GPR39: variants seen among roughly 807,000 people sequenced by gnomAD.
GPR39 encodes the protein G protein-coupled receptor 39, also known as zinc sensing receptor.
A neutral mutation model predicts 18.4 loss-of-function variants in GPR39; 23 were observed. That is an observed-to-expected ratio of 1.25 (90% CI 0.90 to 1.77). The LOEUF is 1.77. GPR39 is among the 40% of genes most tolerant of loss of function. GPR39 has a pLI of 0.00. For missense variants in GPR39, 647 were observed against 602.4 expected (o/e 1.07, Z -0.78); for synonymous variants, 280 against 257.9 (o/e 1.09, Z -0.82).
chr2:132,573,522 A>T (rs1174147075), intron 1 of GPR39, among the ~76,000 whole-genome samples: 1 of 152,194 alleles, frequency 6.6e-6, no homozygotes, highest in Non-Finnish European at 1.5e-5. Flanking sequence ...AGTTAGAGTG[A>T]CAAAAAGGTA....
intron 1 of GPR39, among the ~76,000 whole-genome samples, chr2:132,514,592 G>A (rs1267890430): frequency 2.0e-5 from 3 of 152,182 alleles, no homozygotes; most frequent in Non-Finnish European, 4.4e-5. Flanking sequence ...TGGAACAGTA[G>A]TCAGGCTTTG....
intron 1 of GPR39, among the ~76,000 whole-genome samples, chr2:132,601,203 A>G (rs532222396): frequency 3.3e-5 from 5 of 152,302 alleles, no homozygotes; most frequent in Admixed American, 3.3e-4. Flanking sequence ...CATAGAAGCA[A>G]AAATCCTCAA....
chr2:132,567,392 C>G (rs1396439875), intron 1 of GPR39, among the ~76,000 whole-genome samples: 1 of 152,150 alleles, frequency 6.6e-6, no homozygotes, highest in Non-Finnish European at 1.5e-5. Context: ...TTAATCCACT[C>G]ATGGATGAAT....
intron 1 of GPR39, among the ~76,000 whole-genome samples, chr2:132,557,153 T>C (rs113111524): frequency 0.16 from 23,593 of 152,070 alleles, 1,908 homozygotes; most frequent in Middle Eastern, 0.24. Context: ...ACCCCATCTC[T>C]ACTAAAAATA....
At chr2:132,495,483 G>A (rs921034351) in intron 1 of GPR39, among the ~76,000 whole-genome samples, 3 of 152,152 alleles carry the variant, frequency 2.0e-5, no homozygotes, top group Admixed American at 1.3e-4. Context: ...TTGGCTGCTC[G>A]ACTTGCCCTT....
chr2:132,495,956 G>C (rs140900695), intron 1 of GPR39, among the ~76,000 whole-genome samples: 11 of 152,164 alleles, frequency 7.2e-5, no homozygotes, highest in African/African-American at 2.4e-4. Context: ...AGCCTTCTGA[G>C]TTACTCATTA....
chr2:132,514,752 A>G (rs1364089326), intron 1 of GPR39, among the ~76,000 whole-genome samples: 1 of 152,278 alleles, frequency 6.6e-6, no homozygotes, highest in East Asian at 1.9e-4. Flanking sequence ...TAAATGCCAG[A>G]GAAATTTAGA....
intron 1 of GPR39, among the ~76,000 whole-genome samples, chr2:132,418,167 T>C (rs565108705): frequency 7.2e-5 from 11 of 152,182 alleles, no homozygotes; most frequent in Non-Finnish European, 1.6e-4. Context: ...AGAACATCAC[T>C]GCTGTGACCT....
At chr2:132,489,514 G>A (rs1681416091) in intron 1 of GPR39, among the ~76,000 whole-genome samples, 1 of 152,010 alleles carries the variant, frequency 6.6e-6, no homozygotes, top group Non-Finnish European at 1.5e-5. Flanking sequence ...AATTTTCCCG[G>A]AGGACTTTTT....
chr2:132,502,289 C>T (rs1679055964), intron 1 of GPR39, among the ~76,000 whole-genome samples: 1 of 152,116 alleles, frequency 6.6e-6, no homozygotes, highest in Non-Finnish European at 1.5e-5. Flanking sequence ...CAAATTCTCT[C>T]AGCGTTTGTT....
intron 1 of GPR39, among the ~76,000 whole-genome samples, chr2:132,560,182 C>T (rs1025069829): frequency 1.3e-5 from 2 of 152,212 alleles, no homozygotes; most frequent in African/African-American, 2.4e-5. Flanking sequence ...AAATTCTTCC[C>T]TCCACCCAAG....
chr2:132,571,010 A>G (rs1573674048), intron 1 of GPR39, among the ~76,000 whole-genome samples: 2 of 152,074 alleles, frequency 1.3e-5, no homozygotes, highest in Admixed American at 1.3e-4. Context: ...CGCTGTAGGG[A>G]CTGTGAGTTT....
chr2:132,597,268 A>G (rs944434637), intron 1 of GPR39, among the ~76,000 whole-genome samples: 1 of 152,196 alleles, frequency 6.6e-6, no homozygotes, highest in African/African-American at 2.4e-5. Context: ...CTCTGCTTAC[A>G]TTGGCTTCCA....
intron 1 of GPR39, among the ~76,000 whole-genome samples, chr2:132,483,675 C>G (rs879757351): frequency 6.6e-6 from 1 of 152,170 alleles, no homozygotes; most frequent in Non-Finnish European, 1.5e-5. Context: ...AGTTGCTTTT[C>G]AGTTTGTTCA....
intron 1 of GPR39, among the ~76,000 whole-genome samples, chr2:132,624,801 G>C (rs925289674): frequency 1.3e-5 from 2 of 152,194 alleles, no homozygotes; most frequent in Non-Finnish European, 2.9e-5. Context: ...ATGTCGTTGC[G>C]TGAATATTCC....
intron 1 of GPR39, among the ~76,000 whole-genome samples, chr2:132,447,300 C>G (rs566420055): frequency 6.6e-6 from 1 of 152,280 alleles, no homozygotes; most frequent in African/African-American, 2.4e-5. Context: ...TTTGTACAAT[C>G]CCAAGGAGTT....
intron 1 of GPR39, among the ~76,000 whole-genome samples, chr2:132,601,677 A>G (rs1681045495): frequency 6.6e-6 from 1 of 152,192 alleles, no homozygotes; most frequent in Non-Finnish European, 1.5e-5. Context: ...AGGAAAGCCT[A>G]AAGACTTCAC....
intron 1 of GPR39, among the ~76,000 whole-genome samples, chr2:132,450,157 T>G (rs558607114): frequency 6.9e-4 from 105 of 152,298 alleles, no homozygotes; most frequent in South Asian, 1.0e-3. Flanking sequence ...CGTGGCAGCT[T>G]CTAGGGCTGA....
At chr2:132,644,571 A>G (rs1164571063) in intron 1 of GPR39, among the ~76,000 whole-genome samples, 1 of 152,188 alleles carries the variant, frequency 6.6e-6, no homozygotes. Context: ...TTCCCCTGAA[A>G]CTGAATGCAA....
Sources: gnomAD v4.1 joint callset for allele counts (sites outside exome capture counted in the v4.1 genomes callset) on GRCh38, gnomAD v4.1.1 for gene constraint, MANE v1.5 for transcripts, NCBI Gene and HGNC (gene_info 2026-07-23, HGNC 2026-07-21) for gene names.